SLC48A1: variants seen among roughly 807,000 people sequenced by gnomAD.
The protein encoded by SLC48A1 is solute carrier family 48 member 1.
In SLC48A1, 6 loss-of-function variants were observed where a neutral mutation model predicts 14.8. The ratio of observed to expected loss-of-function variants is 0.41; its 90% CI spans 0.22 to 0.80. SLC48A1 has a LOEUF of 0.80. SLC48A1 is among the 30% of genes least tolerant of loss of function. SLC48A1 has a pLI of 0.34. For missense variants in SLC48A1, 165 were observed against 204.8 expected, an observed-to-expected ratio of 0.81 and a Z score of 1.19; for synonymous variants, 89 against 90.0, an observed-to-expected ratio of 0.99 and a Z score of 0.06.
intron 1 of SLC48A1, 60 bp from the exon 2 acceptor site, chr12:47,778,968 A>G: frequency 6.7e-7 from 1 of 1,496,932 alleles, no homozygotes; most frequent in Non-Finnish European, 9.0e-7. Context: ...GGCCTGGTCT[A>G]GTGGATCTGC....
chr12:47,760,753 T>C (rs1942357459), intron 2 of SLC48A1, among the ~76,000 whole-genome samples: 1 of 152,166 alleles, frequency 6.6e-6, no homozygotes, highest in African/African-American at 2.4e-5. Context: ...TTAAGGAAAT[T>C]GCCAAAGTCA....
At chr12:47,755,435 A>G (rs1941996644), upstream of SLC48A1, among the ~76,000 whole-genome samples, 1 of 152,188 alleles carries the variant, frequency 6.6e-6, no homozygotes, top group African/African-American at 2.4e-5. Context: ...GAGTTACAAA[A>G]CAGGGCCACT....
chr12:47,760,294 A>G, exon 2 of SLC48A1: 1 of 985,496 alleles, frequency 1.0e-6, no homozygotes, highest in African/African-American at 1.7e-5. Flanking sequence ...AAGCCTGAGA[A>G]TGAATCTGAC....
intron 1 of SLC48A1, among the ~76,000 whole-genome samples, chr12:47,759,332 G>A (rs1942293194): frequency 6.6e-6 from 1 of 152,238 alleles, no homozygotes; most frequent in African/African-American, 2.4e-5. Context: ...GCCCGGGGGA[G>A]GGAATAGGCG....
chr12:47,779,015 GTC>G lies in SLC48A1; in HGVS notation c.137-8_137-7del. On this transcript the variant is annotated splice_polypyrimidine_tract_variant and intron_variant, in intron 1 of 2. Transcript: ENST00000442218. ...GCACCCTGGGGATGGGCCCTGATGT[GTC>G]TCTCCTGCAGGGGTGCTGGCACTGT... 6.4e-6 allele frequency: 10 copies of G among 1,550,908 alleles called. No individual in the cohort carries two copies. The highest frequency in any genetic ancestry group is 8.7e-6 in the Non-Finnish European group (10 of 1,146,524).
At chr12:47,778,909 A>G (rs1188626784) in intron 1 of SLC48A1, 119 bp from the exon 2 acceptor site, 2 of 1,190,986 alleles carry the variant, frequency 1.7e-6, no homozygotes, top group Non-Finnish European at 2.3e-6. Flanking sequence ...ACTCCATTCT[A>G]TGAGGGAATG....
At chr12:47,772,347 G>A (rs1437579916), upstream of SLC48A1, 5 of 154,748 alleles carry the variant, frequency 3.2e-5, no homozygotes, top group Non-Finnish European at 5.9e-5. Context: ...CAGGGTGAGG[G>A]GTTTGGGAGG....
At chr12:47,759,246 C>T (rs1942288421) in intron 1 of SLC48A1, 1 of 385,132 alleles carries the variant, frequency 2.6e-6, no homozygotes, top group African/African-American at 2.2e-5. Context: ...CGGCCTCACC[C>T]GGGAGGGAAA....
chr12:47,757,006 T>C (rs975390476), upstream of SLC48A1, among the ~76,000 whole-genome samples: 1 of 151,264 alleles, frequency 6.6e-6, no homozygotes, highest in Admixed American at 6.6e-5. Context: ...AGAAATGAAC[T>C]CTCCCGGCCA....
At chr12:47,758,572 C>G, upstream of SLC48A1, 1 of 1,613,958 alleles carries the variant, frequency 6.2e-7, no homozygotes, top group Non-Finnish European at 8.5e-7. Flanking sequence ...TTTTCAAGCT[C>G]GCACAGCCGT....
intron 1 of SLC48A1, among the ~76,000 whole-genome samples, chr12:47,774,782 C>G (rs1342891031): frequency 6.6e-6 from 1 of 152,080 alleles, no homozygotes; most frequent in African/African-American, 2.4e-5. Flanking sequence ...AGCTGCCTCA[C>G]CACCTGTGGG....
chr12:47,760,349 A>T, exon 2 of SLC48A1: 1 of 985,488 alleles, frequency 1.0e-6, no homozygotes. Flanking sequence ...ATTTGGAAGA[A>T]GGAAGAGCAA....
intron 2 of SLC48A1, among the ~76,000 whole-genome samples, chr12:47,761,107 G>A (rs557438103): frequency 1.2e-3 from 181 of 149,346 alleles, no homozygotes; most frequent in African/African-American, 4.0e-3. Context: ...TGAGGCAGGA[G>A]AATTCTTTCA....
rs1228390618 is a variant in SLC48A1, at chr12:47,773,374, T to C, written c.70T>C (p.Ser24Pro). 1 of 1,478,608 alleles carries C rather than the reference T, an allele frequency of 6.8e-7. No individual in the cohort carries two copies. Among genetic ancestry groups the C allele is most frequent in the Non-Finnish European group, 9.0e-7 (1 of 1,113,836 alleles). 91.6% of individuals were successfully genotyped at this position (1,478,608 alleles called of 1,614,324 possible). A position where few individuals can be genotyped will look rare whatever the true frequency, so the allele number is the denominator to read the frequency against. ...YSGISSVAGFSIFLVWTVVYR... is the reference protein window; with the variant it reads ...YSGISSVAGFPIFLVWTVVYR... The stretch of plus-strand genomic sequence containing the variant: ...CGGCATCAGCTCCGTGGCCGGCTTC[T>C]CCATCTTCCTCGTCTGGACGGTGGT... Residue 24 changes from serine (S) to proline (P), a missense_variant, in exon 1 of 3, where the codon TCC becomes CCC. Coordinates refer to ENST00000442218, the MANE Select transcript of SLC48A1 (RefSeq NM_017842.3).
upstream of SLC48A1, chr12:47,770,893 C>T (rs377505138): frequency 1.5e-5 from 7 of 456,572 alleles, no homozygotes; most frequent in African/African-American, 6.0e-5. Flanking sequence ...CTTCCCTCTG[C>T]GCCATCACAC....
chr12:47,773,942 C>T (rs1406948420), intron 1 of SLC48A1, among the ~76,000 whole-genome samples: 1 of 152,226 alleles, frequency 6.6e-6, no homozygotes, highest in Non-Finnish European at 1.5e-5. Context: ...CTAGGGGTGG[C>T]TGGGGAAGCC....
upstream of SLC48A1, chr12:47,758,070 C>T (rs546437260): frequency 6.4e-7 from 1 of 1,564,772 alleles, no homozygotes; most frequent in Non-Finnish European, 8.7e-7. Context: ...TCTCACCTGG[C>T]CAGCCCACCT....
chr12:47,756,506 C>A (rs1220624694), upstream of SLC48A1: 1 of 152,278 alleles, frequency 6.6e-6, no homozygotes, highest in East Asian at 1.9e-4. Context: ...AACAGCTCTA[C>A]CAGGACTGAC....
intron 2 of SLC48A1, among the ~76,000 whole-genome samples, chr12:47,760,790 G>C (rs1942358174): frequency 6.6e-6 from 1 of 152,286 alleles, no homozygotes. Flanking sequence ...TGGAGCTGGG[G>C]CATGAATCCA....
Sources: allele counts gnomAD v4.1 joint callset (sites outside exome capture counted in the v4.1 genomes callset), GRCh38; gene constraint gnomAD v4.1.1; transcripts MANE v1.5; gene names NCBI Gene and HGNC (gene_info 2026-07-23, HGNC 2026-07-21).